The following ANKS1A variants were observed in gnomAD, a reference collection of about 807,000 sequenced individuals.
ANKS1A encodes ankyrin repeat and SAM domain-containing protein 1A.
Under a neutral mutation model 120.3 loss-of-function variants are expected in ANKS1A, and 55 were observed. The ratio of observed to expected loss-of-function variants is 0.46; its 90% CI spans 0.37 to 0.57. The LOEUF (loss-of-function observed/expected upper bound fraction) is 0.57, where lower values mean the gene tolerates loss of function less well. Among genes scored for constraint, ANKS1A ranks in the 20% least tolerant of loss-of-function variants. The pLI is 0.00. For missense variants in ANKS1A, 1,123 were observed against 1,480.3 expected, an observed-to-expected ratio of 0.76 and a Z score of 3.96; for synonymous variants, 590 against 604.7, an observed-to-expected ratio of 0.98 and a Z score of 0.36.
intron 7 of ANKS1A, 72 bp from the exon 8 acceptor site, chr6:34,985,010 G>A: frequency 4.8e-6 from 7 of 1,455,826 alleles, no homozygotes; most frequent in Non-Finnish European, 6.6e-6. Context: ...GAGGCTTTGG[G>A]TTGCTGCAGT....
Position 35,082,733 on chromosome 6 carries a change from C to A in ANKS1A, c.2752C>A (p.Leu918Met). The A allele has an allele frequency of 6.2e-7, 1 of 1,613,636 alleles. No individual in the cohort carries two copies. The highest frequency in any genetic ancestry group is 8.5e-7 in the Non-Finnish European group (1 of 1,179,754). ...EAKLTLRPPS[L>M]AAPYAPVQSW... ...CAAGCTGACCCTGCGGCCCCCGAGC[C>A]TGGCAGCCCCCTACGCCCCAGTGCA... The change falls in exon 18 of 24, where the codon CTG (leucine) becomes ATG (methionine). Residue 918 changes from leucine to methionine, a missense_variant. Physicochemically the swap from Leu to Met is conservative, Grantham distance 15. Coordinates refer to ENST00000360359, the MANE Select transcript of ANKS1A (RefSeq NM_015245.3). This position sits in a 1 kb window ranked among gnomAD's most constrained non-coding sequence, Gnocchi z 4.1.
intron 12 of ANKS1A, among the ~76,000 whole-genome samples, chr6:35,059,744 C>A (rs1476615015): frequency 2.6e-5 from 4 of 152,310 alleles, no homozygotes; most frequent in African/African-American, 9.6e-5. Context: ...CCTCAGCCCC[C>A]TCTAGTGCCT....
At chr6:35,070,484 C>CTTTTTTTTTTTTTTTTTTTTTTTTT (rs869249276) in intron 13 of ANKS1A, among the ~76,000 whole-genome samples, 1 of 62,970 alleles carries the variant, frequency 1.6e-5, no homozygotes, top group Non-Finnish European at 2.9e-5. Flanking sequence ...AAGCCTTTAT[C>CTTTTTTTTTTTTTTTTTTTTTTTTT]TTTTTTTTTT....
chr6:35,001,851 A>G (rs1581626607), intron 10 of ANKS1A, among the ~76,000 whole-genome samples: 1 of 151,960 alleles, frequency 6.6e-6, no homozygotes, highest in South Asian at 2.1e-4. Flanking sequence ...TGGCAGTTGG[A>G]GTTTTAACCC....
At chr6:35,088,477 C>A in intron 23 of ANKS1A, 129 bp from the exon 24 acceptor site, 1 of 1,196,458 alleles carries the variant, frequency 8.4e-7, no homozygotes, top group Non-Finnish European at 1.2e-6. Flanking sequence ...TCAAAGCAGG[C>A]ATGGAGGGTG....
intron 13 of ANKS1A, among the ~76,000 whole-genome samples, chr6:35,072,266 C>T (rs761353328): frequency 5.9e-5 from 9 of 152,196 alleles, no homozygotes; most frequent in Admixed American, 1.3e-4. Flanking sequence ...CGCCCGGGGC[C>T]GACCCGGGCC....
intron 11 of ANKS1A, among the ~76,000 whole-genome samples, chr6:35,047,083 A>G (rs1357278661): frequency 6.6e-6 from 1 of 152,240 alleles, no homozygotes; most frequent in Admixed American, 6.5e-5. Flanking sequence ...AACTTCATTT[A>G]TACACCTTCT....
chr6:35,087,299 T>A (rs1219310295), intron 23 of ANKS1A, among the ~76,000 whole-genome samples: 1 of 151,974 alleles, frequency 6.6e-6, no homozygotes, highest in Non-Finnish European at 1.5e-5. Context: ...CTTGAGGGGG[T>A]GAGTTGCCTT....
chr6:34,955,576 G>A (rs1437229848), intron 1 of ANKS1A, among the ~76,000 whole-genome samples: 1 of 152,002 alleles, frequency 6.6e-6, no homozygotes, highest in East Asian at 1.9e-4. Context: ...TGCCCCCCTG[G>A]ATTCCCAGCA....
At chr6:35,078,441 T>C in intron 13 of ANKS1A, 117 bp from the exon 14 acceptor site, 1 of 889,292 alleles carries the variant, frequency 1.1e-6, no homozygotes, top group Non-Finnish European at 1.8e-6. Flanking sequence ...CCATGCCCTC[T>C]TGGTGCCTGC....
chr6:34,896,658 G>A (rs747693669), intron 1 of ANKS1A, among the ~76,000 whole-genome samples: 16 of 151,802 alleles, frequency 1.1e-4, no homozygotes, highest in Non-Finnish European at 2.2e-4. Context: ...GCAAGACCTC[G>A]TTTCTACAAA....
chr6:35,012,749 A>G (rs1394293342), intron 10 of ANKS1A, among the ~76,000 whole-genome samples: 1 of 152,228 alleles, frequency 6.6e-6, no homozygotes, highest in Non-Finnish European at 1.5e-5. Context: ...AAAATGAATG[A>G]GGATCACAAG....
At chr6:34,959,467 G>C (rs147960121) in intron 1 of ANKS1A, among the ~76,000 whole-genome samples, 1 of 152,208 alleles carries the variant, frequency 6.6e-6, no homozygotes, top group African/African-American at 2.4e-5. Flanking sequence ...AAACATGAGG[G>C]ATTTCCCTAA....
intron 11 of ANKS1A, among the ~76,000 whole-genome samples, chr6:35,036,462 C>G (rs914027105): frequency 6.6e-6 from 1 of 152,244 alleles, no homozygotes; most frequent in Non-Finnish European, 1.5e-5. Flanking sequence ...TACTCAGAGT[C>G]TCACGAGACC....
At chr6:34,904,293 A>G (rs571940550) in intron 1 of ANKS1A, among the ~76,000 whole-genome samples, 1 of 152,304 alleles carries the variant, frequency 6.6e-6, no homozygotes, top group South Asian at 2.1e-4. Flanking sequence ...GTACATGTTT[A>G]ATATAGATGC....
intron 1 of ANKS1A, among the ~76,000 whole-genome samples, chr6:34,941,918 C>T (rs1273669221): frequency 6.6e-6 from 1 of 152,166 alleles, no homozygotes; most frequent in East Asian, 1.9e-4. Flanking sequence ...TACTGAGATC[C>T]AGCACCTCTA....
intron 1 of ANKS1A, among the ~76,000 whole-genome samples, chr6:34,944,226 T>C (rs184877462): frequency 8.6e-5 from 13 of 151,924 alleles, no homozygotes; most frequent in African/African-American, 2.9e-4. Flanking sequence ...TGCAGTGAGC[T>C]GAGATCATGC....
chr6:34,976,475 A>T (rs1771591511), intron 3 of ANKS1A, among the ~76,000 whole-genome samples: 1 of 152,194 alleles, frequency 6.6e-6, no homozygotes, highest in African/African-American at 2.4e-5. Context: ...AGTCTGAGTC[A>T]TAAAATGAGT....
intron 1 of ANKS1A, among the ~76,000 whole-genome samples, chr6:34,890,239 CCGCCA>C (rs1003165670): frequency 2.0e-5 from 3 of 152,026 alleles, no homozygotes; most frequent in Non-Finnish European, 4.4e-5. Flanking sequence ...TTACAGGCGC[CCGCCA>C]CGACACCAGG....
Sources: gnomAD v4.1 joint callset for allele counts (sites outside exome capture counted in the v4.1 genomes callset) on GRCh38, gnomAD v4.1.1 for gene constraint, Gnocchi (gnomAD v3.1) non-coding constraint, MANE v1.5 for transcripts, NCBI Gene and HGNC (gene_info 2026-07-23, HGNC 2026-07-21) for gene names.